Variants in AGBL1 observed in about 807,000 individuals in gnomAD.
AGBL1 encodes AGBL carboxypeptidase 1.
In AGBL1, 130 loss-of-function variants were observed where a neutral mutation model predicts 118.9. The observed-to-expected ratio is 1.09, with a 90% CI of 0.95 to 1.26. AGBL1 has a LOEUF of 1.26. Ranked by LOEUF, AGBL1 falls within the 50% of genes most tolerant of loss-of-function variation. AGBL1 has a pLI of 0.00. For missense variants in AGBL1, 1,584 were observed against 1,298.1 expected, an observed-to-expected ratio of 1.22 and a Z score of -3.38; for synonymous variants, 555 against 478.9, an observed-to-expected ratio of 1.16 and a Z score of -2.08.
chr15:86,819,091 C>T (rs2078903308), intron 22 of AGBL1, among the ~76,000 whole-genome samples: 1 of 151,802 alleles, frequency 6.6e-6, no homozygotes, highest in South Asian at 2.1e-4. Context: ...AAAATATTTC[C>T]AAAGTATAGC....
At position 86,299,146 on chromosome 15, in the gene AGBL1, C is replaced by A. The variant is rs149636623; in HGVS notation, c.2374+3738C>A. ...CTGAGGACAGTCCCTTTTTGAAATGCTCCCAATAAAGAAGACTTACTACTT... is the reference window on the plus strand; with the variant it reads ...CTGAGGACAGTCCCTTTTTGAAATGATCCCAATAAAGAAGACTTACTACTT... On this transcript the variant is annotated intron_variant, in intron 17 of 22. Coordinates refer to ENST00000614907, the MANE Select transcript of AGBL1 (RefSeq NM_001386094.1). Among the ~76,000 whole-genome samples, 562 of 152,152 alleles carry A rather than the reference C, an allele frequency of 3.7e-3. 3 individuals carry two copies. The highest frequency in any genetic ancestry group is 0.013 in the African/African-American group (549 of 41,496).
At chr15:86,302,548 G>C (rs2079766500) in intron 17 of AGBL1, among the ~76,000 whole-genome samples, 1 of 151,910 alleles carries the variant, frequency 6.6e-6, no homozygotes, top group South Asian at 2.1e-4. Context: ...AGGCCGAGGT[G>C]GGTGGATCAT....
At chr15:86,172,789 C>T (rs1287268952) in intron 5 of AGBL1, among the ~76,000 whole-genome samples, 1 of 152,112 alleles carries the variant, frequency 6.6e-6, no homozygotes, top group Non-Finnish European at 1.5e-5. Context: ...TTGGCTCTTG[C>T]GAATAGTGCT....
chr15:86,298,321 CTA>C (rs1251385961), intron 17 of AGBL1, among the ~76,000 whole-genome samples: 1 of 85,118 alleles, frequency 1.2e-5, no homozygotes, highest in East Asian at 2.6e-4. Context: ...ATATAGGTAA[CTA>C]TATATATGGT....
At chr15:86,838,721 C>G (rs977265327) in intron 22 of AGBL1, among the ~76,000 whole-genome samples, 1 of 151,850 alleles carries the variant, frequency 6.6e-6, no homozygotes, top group African/African-American at 2.4e-5. Flanking sequence ...AGAAAGACTG[C>G]TTGAGCCCGG....
At chr15:86,558,777 G>A (rs771776617) in intron 21 of AGBL1, among the ~76,000 whole-genome samples, 3 of 152,142 alleles carry the variant, frequency 2.0e-5, no homozygotes, top group Admixed American at 1.3e-4. Context: ...GCTGTTTAGG[G>A]AACAAAGCCC....
At chr15:86,185,571 C>G (rs1199792646) in intron 5 of AGBL1, among the ~76,000 whole-genome samples, 1 of 152,122 alleles carries the variant, frequency 6.6e-6, no homozygotes, top group African/African-American at 2.4e-5. Flanking sequence ...GAATACTATG[C>G]AGCCATAAAA....
At chr15:86,960,432 G>T (rs950197026) in intron 23 of AGBL1, among the ~76,000 whole-genome samples, 3 of 152,006 alleles carry the variant, frequency 2.0e-5, no homozygotes, top group Non-Finnish European at 4.4e-5. Context: ...GTAAGGATCA[G>T]ATTCAAGTAG....
intron 6 of AGBL1, among the ~76,000 whole-genome samples, chr15:86,235,156 C>G (rs1268100404): frequency 1.3e-5 from 2 of 152,168 alleles, no homozygotes; most frequent in Admixed American, 1.3e-4. Context: ...CTACTTTAGA[C>G]TATGTGAGCC....
At position 86,613,279 on chromosome 15, in the gene AGBL1, A is replaced by G. The variant is rs1321560100; in HGVS notation, c.2994+58742A>G. Among the ~76,000 whole-genome samples the G allele has an allele frequency of 6.6e-6, 1 of 152,202 alleles. No homozygotes were observed. Among genetic ancestry groups the G allele is most frequent in the Non-Finnish European group, 1.5e-5 (1 of 68,044 alleles). ...GTTTTGGAACGTAAGATCCCAAACC[A>G]TTGGAGAACTGCAGCATGGTGAAGG... is the stretch of plus-strand genomic sequence containing the variant. On this transcript the variant is annotated intron_variant, in intron 21 of 22. Coordinates refer to ENST00000614907, the MANE Select transcript of AGBL1 (RefSeq NM_001386094.1). This position sits in a 1 kb window ranked among gnomAD's most constrained non-coding sequence, Gnocchi z 4.2.
intron 16 of AGBL1, among the ~76,000 whole-genome samples, chr15:86,284,977 A>G (rs1597679653): frequency 6.6e-6 from 1 of 151,834 alleles, no homozygotes; most frequent in African/African-American, 2.4e-5. Context: ...TTATAAAGAA[A>G]CCCACCCCTG....
At chr15:86,434,081 A>C (rs937948929) in intron 18 of AGBL1, among the ~76,000 whole-genome samples, 18 of 152,244 alleles carry the variant, frequency 1.2e-4, no homozygotes, top group Non-Finnish European at 2.1e-4. Context: ...TCGTGGCTGA[A>C]ATATTCGATC....
intron 18 of AGBL1, among the ~76,000 whole-genome samples, chr15:86,482,665 T>C (rs2082667123): frequency 6.6e-6 from 1 of 152,090 alleles, no homozygotes; most frequent in African/African-American, 2.4e-5. Context: ...AGGAAACAAA[T>C]GAAATGTAGT....
At chr15:86,673,716 G>C (rs1191419256) in intron 21 of AGBL1, among the ~76,000 whole-genome samples, 1 of 152,146 alleles carries the variant, frequency 6.6e-6, no homozygotes, top group Non-Finnish European at 1.5e-5. Context: ...TTATACTATA[G>C]AGTACATGTC....
chr15:86,893,146 T>C (rs559949622), intron 22 of AGBL1, among the ~76,000 whole-genome samples: 12 of 152,236 alleles, frequency 7.9e-5, no homozygotes, highest in Admixed American at 7.9e-4. Flanking sequence ...TGCGTTTCAT[T>C]AGAAGGAGAC....
chr15:86,113,315 T>A (rs1166998488), intron 1 of AGBL1, among the ~76,000 whole-genome samples: 2 of 145,032 alleles, frequency 1.4e-5, no homozygotes, highest in African/African-American at 5.1e-5. Flanking sequence ...GGAGACTGAG[T>A]CTTACTCTGT....
At chr15:87,024,875 A>G (rs2081709191) in intron 24 of AGBL1, among the ~76,000 whole-genome samples, 1 of 152,122 alleles carries the variant, frequency 6.6e-6, no homozygotes, top group African/African-American at 2.4e-5. Flanking sequence ...AATAAAAACA[A>G]AAACACATGA....
intron 1 of AGBL1, among the ~76,000 whole-genome samples, chr15:86,107,352 C>G (rs914934725): frequency 6.6e-6 from 1 of 152,202 alleles, no homozygotes; most frequent in African/African-American, 2.4e-5. Context: ...GAGTTGCAAT[C>G]TAGGTTCTAC....
At chr15:86,297,131 A>G (rs553406235) in intron 17 of AGBL1, 2 of 152,306 alleles carry the variant, frequency 1.3e-5, no homozygotes, top group African/African-American at 2.4e-5. Context: ...CCTTATATGA[A>G]TCAAAAGAGG....
Sources: gnomAD v4.1 joint callset for allele counts (sites outside exome capture counted in the v4.1 genomes callset) on GRCh38, gnomAD v4.1.1 for gene constraint, Gnocchi (gnomAD v3.1) non-coding constraint, MANE v1.5 for transcripts, NCBI Gene and HGNC (gene_info 2026-07-23, HGNC 2026-07-21) for gene names.